Variants in ENO4 observed in about 807,000 individuals in gnomAD.
ENO4 encodes the protein 2-phospho-D-glycerate hydro-lyase.
In ENO4, 53 loss-of-function variants were observed where a neutral mutation model predicts 63.2. The observed-to-expected ratio is 0.84, with a 90% CI of 0.67 to 1.05. ENO4 has a LOEUF of 1.05. Among genes scored for constraint, ENO4 ranks in the 50% least tolerant of loss-of-function variants. The pLI, the probability that ENO4 is intolerant of heterozygous loss-of-function variation, is 0.00. For missense variants in ENO4, 719 were observed against 772.0 expected (o/e 0.93, Z 0.81); for synonymous variants, 266 against 283.8 (o/e 0.94, Z 0.63).
At chr10:116,910,568 C>T (rs186914537) in intron 10 of ENO4, among the ~76,000 whole-genome samples, 2 of 152,216 alleles carry the variant, frequency 1.3e-5, no homozygotes, top group East Asian at 1.9e-4. Flanking sequence ...CTCATAGAGA[C>T]GTCTGATTTT....
intron 1 of ENO4, among the ~76,000 whole-genome samples, chr10:116,850,674 C>T (rs1197636340): frequency 6.6e-6 from 1 of 151,976 alleles, no homozygotes; most frequent in South Asian, 2.1e-4. Context: ...AAGGATGTTC[C>T]GCGAATGACT....
chr10:116,890,838 G>C (rs1357058658), intron 10 of ENO4, among the ~76,000 whole-genome samples: 2 of 152,238 alleles, frequency 1.3e-5, no homozygotes, highest in Admixed American at 6.5e-5. Flanking sequence ...TGCCAACGCT[G>C]AACTTTACAG....
At chr10:116,892,844 C>A (rs1847380239) in intron 10 of ENO4, among the ~76,000 whole-genome samples, 1 of 152,258 alleles carries the variant, frequency 6.6e-6, no homozygotes, top group East Asian at 1.9e-4. Flanking sequence ...CTCCACTATA[C>A]ACAAATAAAA....
intron 8 of ENO4, 23 bp downstream of exon 8, chr10:116,868,729 A>G: frequency 1.3e-6 from 2 of 1,537,894 alleles, no homozygotes; most frequent in African/African-American, 2.7e-5. Context: ...ATTGTTTACC[A>G]TCCTTCCATA....
chr10:116,904,157 T>C (rs1847868049), intron 10 of ENO4, among the ~76,000 whole-genome samples: 1 of 152,174 alleles, frequency 6.6e-6, no homozygotes, highest in Non-Finnish European at 1.5e-5. Flanking sequence ...CAAAAGCCTT[T>C]CTAGGCAGAA....
At chr10:116,905,901 T>A (rs910431054) in intron 10 of ENO4, among the ~76,000 whole-genome samples, 2 of 152,178 alleles carry the variant, frequency 1.3e-5, no homozygotes, top group African/African-American at 4.8e-5. Flanking sequence ...ATGGGATACA[T>A]TTTGAGGCCT....
At position 116,879,890 on chromosome 10, in the gene ENO4, T is replaced by C. The variant is rs1163176933; in HGVS notation, c.1627T>C (p.Phe543Leu). Reference sequence around the variant, plus strand: ...TCAGGCTGTTGGGCTTGGTGTCCGGTTCATCAAGTTGGGGGGTCTTTCCCG... The same window carrying C: ...TCAGGCTGTTGGGCTTGGTGTCCGGCTCATCAAGTTGGGGGGTCTTTCCCG... ...VDLAVGLGVRFIKLGGLSRGE... is the reference protein window; with the variant it reads ...VDLAVGLGVRLIKLGGLSRGE... The change falls in exon 13 of 14, where the codon TTC (phenylalanine) becomes CTC (leucine). Residue 543 changes from phenylalanine (F) to leucine (L), a missense_variant. Phe to Leu is a conservative substitution (Grantham distance 22, BLOSUM62 0). Coordinates refer to ENST00000341276, the MANE Select transcript of ENO4 (RefSeq NM_001242699.2). The C allele has an allele frequency of 1.3e-6, 2 of 1,550,468 alleles. No individual in the cohort carries two copies. The highest frequency in any genetic ancestry group is 1.7e-6 in the Non-Finnish European group (2 of 1,146,940).
At chr10:116,900,532 T>C in intron 10 of ENO4, 1 of 1,532,672 alleles carries the variant, frequency 6.5e-7, no homozygotes, top group South Asian at 1.2e-5. Context: ...ATTTTCTGAT[T>C]CAGATTATCT....
chr10:116,854,320 GA>G (rs1846184472), intron 1 of ENO4, among the ~76,000 whole-genome samples: 1 of 151,744 alleles, frequency 6.6e-6, no homozygotes, highest in African/African-American at 2.4e-5. Context: ...AGCACTTTGG[GA>G]GGCTGAGGCA....
chr10:116,861,180 C>T lies in ENO4; in HGVS notation c.926C>T (p.Thr309Ile). 2 of 1,467,262 alleles carry T rather than the reference C, an allele frequency of 1.4e-6. No homozygotes were observed. Among genetic ancestry groups the T allele is most frequent in the Non-Finnish European group, 1.8e-6 (2 of 1,096,852 alleles). 90.9% of individuals were successfully genotyped at this position (1,467,262 alleles called of 1,614,324 possible). A position where few individuals can be genotyped will look rare whatever the true frequency, so the allele number is the denominator to read the frequency against. ...EVICIPHPEL[T>I]TKQGVEMLME... Reference sequence around the variant, plus strand: ...ATTTGTATACCCCATCCTGAATTAACAACCAAACAAGTACCTTACATTATC... The same window carrying T: ...ATTTGTATACCCCATCCTGAATTAATAACCAAACAAGTACCTTACATTATC... The change falls in exon 6 of 14, where the codon ACA becomes ATA. Residue 309 changes from threonine to isoleucine, a missense_variant. By Grantham distance (89) the Thr-to-Ile change is moderately conservative (BLOSUM62 -1). Around this residue, in one of 3 missense-constraint regions of ENO4, gnomAD observed 544 missense variants for 583.6 expected, o/e 0.93. Coordinates refer to ENST00000341276, the MANE Select transcript of ENO4 (RefSeq NM_001242699.2).
intron 13 of ENO4, among the ~76,000 whole-genome samples, chr10:116,881,130 C>A (rs1439215546): frequency 6.6e-6 from 1 of 152,190 alleles, no homozygotes; most frequent in Non-Finnish European, 1.5e-5. Context: ...ATGTAAGGAC[C>A]TGACTGGAAT....
At chr10:116,869,593 A>C (rs919009915) in intron 8 of ENO4, among the ~76,000 whole-genome samples, 7 of 152,210 alleles carry the variant, frequency 4.6e-5, no homozygotes, top group Middle Eastern at 3.2e-3. Context: ...TCCTGTCAAC[A>C]GTTTGTATAT....
At chr10:116,857,002 A>C (rs938060122) in intron 3 of ENO4, among the ~76,000 whole-genome samples, 1 of 152,016 alleles carries the variant, frequency 6.6e-6, no homozygotes, top group African/African-American at 2.4e-5. Context: ...AAAAAAAAAA[A>C]AAGAAAATCA....
chr10:116,910,418 A>G (rs996609658), intron 10 of ENO4, among the ~76,000 whole-genome samples: 5 of 152,220 alleles, frequency 3.3e-5, no homozygotes, highest in African/African-American at 1.2e-4. Context: ...AAATTATTTC[A>G]CAAATTTCTC....
At chr10:116,850,465 G>A (rs1001292779) in intron 1 of ENO4, among the ~76,000 whole-genome samples, 3 of 152,092 alleles carry the variant, frequency 2.0e-5, no homozygotes, top group African/African-American at 7.2e-5. Context: ...GTTAAGCAGT[G>A]AGCAGCTGAA....
downstream of ENO4, chr10:116,884,274 AG>A (rs1847102748): frequency 2.2e-6 from 1 of 459,372 alleles, no homozygotes; most frequent in Non-Finnish European, 4.4e-6. Flanking sequence ...CACCCCAGCC[AG>A]GGGCAAAACC....
intron 4 of ENO4, among the ~76,000 whole-genome samples, chr10:116,859,474 G>T (rs962868448): frequency 1.3e-5 from 2 of 152,100 alleles, no homozygotes; most frequent in African/African-American, 4.8e-5. Context: ...TAATCCAAAA[G>T]CCACTCCATA....
intron 1 of ENO4, 172 bp downstream of exon 1, chr10:116,849,903 C>G (rs1178005876): frequency 2.5e-6 from 2 of 800,226 alleles, no homozygotes; most frequent in Admixed American, 2.0e-5. Context: ...GGAAGGACAC[C>G]CAGGGGTGAA....
chr10:116,908,578 C>T (rs148255500), intron 10 of ENO4, among the ~76,000 whole-genome samples: 32 of 152,292 alleles, frequency 2.1e-4, no homozygotes, highest in African/African-American at 7.7e-4. Flanking sequence ...ACATGGTCAT[C>T]ACTACTAAAA....
Sources: allele counts gnomAD v4.1 joint callset (sites outside exome capture counted in the v4.1 genomes callset), GRCh38; gene constraint gnomAD v4.1.1; regional missense constraint gnomAD v4.1.1; transcripts MANE v1.5; gene names NCBI Gene and HGNC (gene_info 2026-07-23, HGNC 2026-07-21).